Variants in THSD7B observed in about 807,000 individuals in gnomAD.
THSD7B encodes the protein thrombospondin type 1 domain containing 7B.
THSD7B carries 138 observed loss-of-function variants against 213.6 expected under a neutral mutation model. The observed-to-expected ratio is 0.65, with a 90% CI of 0.56 to 0.74. The LOEUF is 0.74. Ranked by LOEUF, THSD7B falls within the 30% of genes least tolerant of loss-of-function variation. The pLI is 0.00. For missense variants in THSD7B, 1,931 were observed against 1,991.5 expected (o/e 0.97, Z 0.58); for synonymous variants, 742 against 687.0 (o/e 1.08, Z -1.25).
chr2:137,133,121 T>C (rs985494535), intron 5 of THSD7B, among the ~76,000 whole-genome samples: 5 of 152,168 alleles, frequency 3.3e-5, no homozygotes, highest in African/African-American at 7.2e-5. Flanking sequence ...ACTTTTGCCT[T>C]GGATTATTAT....
chr2:137,037,102 T>G (rs116776040), intron 2 of THSD7B, among the ~76,000 whole-genome samples: 11 of 152,312 alleles, frequency 7.2e-5, no homozygotes, highest in African/African-American at 2.6e-4. Context: ...ACATTATTTT[T>G]GACTAAGTCC....
intron 12 of THSD7B, among the ~76,000 whole-genome samples, chr2:137,383,537 G>A (rs1180755835): frequency 6.6e-6 from 1 of 152,192 alleles, no homozygotes; most frequent in Non-Finnish European, 1.5e-5. Context: ...CAGACATCTG[G>A]TCCAGTGTGA....
chr2:137,210,707 G>T (rs1681083966), intron 7 of THSD7B, among the ~76,000 whole-genome samples: 1 of 151,932 alleles, frequency 6.6e-6, no homozygotes, highest in Non-Finnish European at 1.5e-5. Flanking sequence ...ATCGAAGACT[G>T]CACCAATAAA....
intron 15 of THSD7B, among the ~76,000 whole-genome samples, chr2:137,498,761 G>A (rs1489116249): frequency 2.0e-5 from 3 of 152,030 alleles, no homozygotes; most frequent in African/African-American, 7.2e-5. Flanking sequence ...AGGGGAGAGA[G>A]GTGTTATATT....
At chr2:137,269,045 A>T (rs191080343) in intron 10 of THSD7B, among the ~76,000 whole-genome samples, 88 of 152,306 alleles carry the variant, frequency 5.8e-4, no homozygotes, top group Admixed American at 2.4e-3. Flanking sequence ...ATGCACACAC[A>T]TACACACACA....
In THSD7B at chr2:137,520,883, G is replaced by T. The variant is rs539606319; in HGVS notation, c.3139-42338G>T. Among the ~76,000 whole-genome samples the T allele has an allele frequency of 5.9e-5, 9 of 152,246 alleles. No individual in the cohort carries two copies. In the South Asian group the frequency reaches 1.9e-3, roughly 32 times the overall value. On this transcript the variant is annotated intron_variant, in intron 15 of 27. Transcript: ENST00000409968. ...ATATGCTGGATGAATCATGATTCGT[G>T]CTTAAAAATCATTAGCAGTTGAATT... is the stretch of plus-strand genomic sequence containing the variant.
At chr2:137,293,345 C>T (rs1187486890) in intron 12 of THSD7B, among the ~76,000 whole-genome samples, 2 of 151,998 alleles carry the variant, frequency 1.3e-5, no homozygotes, top group African/African-American at 4.8e-5. Flanking sequence ...GCCATGTTGC[C>T]CAGGATGACC....
intron 3 of THSD7B, among the ~76,000 whole-genome samples, chr2:137,093,011 CT>C (rs372812647): frequency 6.6e-6 from 1 of 152,126 alleles, no homozygotes; most frequent in African/African-American, 2.4e-5. Context: ...AACATTGACC[CT>C]TTTTTTAGTT....
At chr2:137,096,306 A>G (rs549656807) in intron 4 of THSD7B, among the ~76,000 whole-genome samples, 6 of 152,248 alleles carry the variant, frequency 3.9e-5, no homozygotes, top group African/African-American at 1.4e-4. Context: ...TGAATTAGTG[A>G]TTTGGTGATG....
intron 16 of THSD7B, among the ~76,000 whole-genome samples, chr2:137,569,696 T>A (rs1213862061): frequency 6.6e-6 from 1 of 152,160 alleles, no homozygotes; most frequent in East Asian, 1.9e-4. Context: ...TTTTTTCAGA[T>A]GCGCTAAGGA....
chr2:137,404,272 C>G (rs893698921), intron 12 of THSD7B, among the ~76,000 whole-genome samples: 1 of 151,136 alleles, frequency 6.6e-6, no homozygotes, highest in African/African-American at 2.4e-5. Flanking sequence ...CCATTTGATC[C>G]ATCAGTCCCA....
chr2:136,946,800 A>C (rs491861), intron 2 of THSD7B, among the ~76,000 whole-genome samples: 61,787 of 152,122 alleles, frequency 0.41, 14,796 homozygotes, highest in Non-Finnish European at 0.55. Context: ...CTTGCATAGG[A>C]TATAATCTCC....
chr2:137,654,093 TG>T (rs562112604), intron 21 of THSD7B, among the ~76,000 whole-genome samples: 3 of 152,204 alleles, frequency 2.0e-5, no homozygotes, highest in Non-Finnish European at 4.4e-5. Flanking sequence ...GTAATTTAAC[TG>T]TTGGTTTTCT....
intron 12 of THSD7B, among the ~76,000 whole-genome samples, chr2:137,355,198 G>A (rs1685101114): frequency 6.6e-6 from 1 of 152,130 alleles, no homozygotes; most frequent in Non-Finnish European, 1.5e-5. Flanking sequence ...ATAGTCTTGG[G>A]TTGAGTTTTA....
intron 12 of THSD7B, among the ~76,000 whole-genome samples, chr2:137,281,640 G>A (rs1683017942): frequency 6.7e-6 from 1 of 150,322 alleles, no homozygotes; most frequent in Admixed American, 6.7e-5. Flanking sequence ...ACCTATGAGT[G>A]AGAACATGCA....
intron 2 of THSD7B, among the ~76,000 whole-genome samples, chr2:136,965,586 A>G (rs1308915014): frequency 6.6e-6 from 1 of 151,742 alleles, no homozygotes; most frequent in African/African-American, 2.4e-5. Context: ...CTCACCAATG[A>G]CTTTTTATTT....
chr2:137,003,395 CAG>C (rs1256125285), intron 2 of THSD7B, among the ~76,000 whole-genome samples: 2 of 152,062 alleles, frequency 1.3e-5, no homozygotes, highest in African/African-American at 4.8e-5. Context: ...CTGCCTGTAA[CAG>C]AAAGTAGAGA....
At chr2:137,339,695 G>A (rs1312063654) in intron 12 of THSD7B, among the ~76,000 whole-genome samples, 1 of 151,870 alleles carries the variant, frequency 6.6e-6, no homozygotes, top group Admixed American at 6.6e-5. Context: ...GCAGCCCTAA[G>A]ACTCAGGTGG....
At chr2:137,619,484 T>C (rs1682472850) in intron 19 of THSD7B, among the ~76,000 whole-genome samples, 3 of 152,192 alleles carry the variant, frequency 2.0e-5, no homozygotes, top group African/African-American at 7.2e-5. Flanking sequence ...TTTGGTCAAA[T>C]TCTGAAACTG....
Sources: gnomAD v4.1 joint callset for allele counts (sites outside exome capture counted in the v4.1 genomes callset) on GRCh38, gnomAD v4.1.1 for gene constraint, MANE v1.5 for transcripts, NCBI Gene and HGNC (gene_info 2026-07-23, HGNC 2026-07-21) for gene names.